Variants in CORIN observed in about 807,000 individuals in gnomAD.
CORIN encodes atrial natriuretic peptide-converting enzyme.
A neutral mutation model predicts 125.3 loss-of-function variants in CORIN; 117 were observed. The observed-to-expected ratio is 0.93, with a 90% CI of 0.80 to 1.09. The LOEUF is 1.09. CORIN is among the 50% of genes least tolerant of loss of function. CORIN has a pLI of 0.00. For synonymous variants in CORIN, 450 were observed against 466.4 expected (o/e 0.96, Z 0.45); for missense variants, 1,253 against 1,306.7 (o/e 0.96, Z 0.63).
At chr4:47,787,056 G>A (rs772206360) in intron 2 of CORIN, 131 bp from the exon 3 acceptor site, 93 of 681,002 alleles carry the variant, frequency 1.4e-4, no homozygotes, top group Middle Eastern at 4.1e-4. Context: ...ACACAAAGAC[G>A]AAGATGAAAG....
In CORIN at chr4:47,622,689, A is replaced by G. The variant is rs1228368418; in HGVS notation, c.2540+882T>C. 2.0e-5 allele frequency among the ~76,000 whole-genome samples: 3 copies of G among 151,884 alleles called. 1 individual carries two copies. The highest frequency in any genetic ancestry group is 7.3e-5 in the African/African-American group (3 of 41,326). ...GTTCATGTCCTTCGCCCACTTTTTG[A>G]TGGGGTTGAATAGAACAAGGACTGA... On this transcript the variant is annotated intron_variant, in intron 19 of 21. Coordinates refer to ENST00000273857, the MANE Select transcript of CORIN (RefSeq NM_006587.4).
chr4:47,642,052 A>T lies in CORIN; in HGVS notation c.2069-3T>A. 1 of 1,612,060 alleles carries T rather than the reference A, an allele frequency of 6.2e-7. No individual in the cohort carries two copies. The highest frequency in any genetic ancestry group is 1.1e-5 in the South Asian group (1 of 90,908). On this transcript the variant is annotated splice_polypyrimidine_tract_variant and splice_region_variant and intron_variant, in intron 15 of 21. Coordinates refer to ENST00000273857, the MANE Select transcript of CORIN (RefSeq NM_006587.4). ...GTTCACATTTATAGAGAGGGTCACT[A>T]GGGAAAGAAAAGACAAGGGAAACCC...
chr4:47,726,698 A>G (rs1056292870), intron 5 of CORIN, among the ~76,000 whole-genome samples: 3 of 152,068 alleles, frequency 2.0e-5, no homozygotes, highest in African/African-American at 7.2e-5. Flanking sequence ...TTGTATGGAA[A>G]TTTAAACATA....
chr4:47,709,620 AAT>A (rs1726749280), intron 5 of CORIN, among the ~76,000 whole-genome samples: 1 of 152,194 alleles, frequency 6.6e-6, no homozygotes, highest in Non-Finnish European at 1.5e-5. Context: ...CTAAAATATA[AAT>A]ATGTTTTTCC....
At chr4:47,794,843 C>G (rs374460929) in intron 2 of CORIN, among the ~76,000 whole-genome samples, 9 of 152,146 alleles carry the variant, frequency 5.9e-5, no homozygotes, top group African/African-American at 1.7e-4. Flanking sequence ...TTTAAAAGTC[C>G]CAACCAAGAT....
chr4:47,800,198 A>G (rs979514859), intron 2 of CORIN, among the ~76,000 whole-genome samples: 2 of 152,106 alleles, frequency 1.3e-5, no homozygotes, highest in Non-Finnish European at 2.9e-5. Context: ...TGAATATACT[A>G]AAAACTACTG....
At chr4:47,769,637 T>C (rs773330515) in intron 3 of CORIN, among the ~76,000 whole-genome samples, 25 of 152,198 alleles carry the variant, frequency 1.6e-4, no homozygotes, top group Admixed American at 5.2e-4. Context: ...AAAGCTATAG[T>C]AATCAAAAAA....
chr4:47,687,838 G>T (rs982172937), intron 6 of CORIN, among the ~76,000 whole-genome samples: 4 of 152,170 alleles, frequency 2.6e-5, no homozygotes, highest in African/African-American at 9.7e-5. Flanking sequence ...GCAGAACCAT[G>T]AGAAGAACCA....
intron 2 of CORIN, among the ~76,000 whole-genome samples, chr4:47,793,842 C>T (rs1262056577): frequency 6.6e-6 from 1 of 152,106 alleles, no homozygotes; most frequent in African/African-American, 2.4e-5. Flanking sequence ...TGTTAGAATT[C>T]AAATTCAGCA....
intron 16 of CORIN, among the ~76,000 whole-genome samples, chr4:47,627,907 T>C (rs1290929939): frequency 6.6e-6 from 1 of 152,176 alleles, no homozygotes; most frequent in African/African-American, 2.4e-5. Flanking sequence ...TGTGCACTGA[T>C]GCTGGATAGG....
chr4:47,830,304 T>A (rs1434867115), intron 1 of CORIN, among the ~76,000 whole-genome samples: 1 of 152,012 alleles, frequency 6.6e-6, no homozygotes, highest in East Asian at 1.9e-4. Flanking sequence ...GGTTAGGGAA[T>A]AAAATGGCAC....
intron 16 of CORIN, among the ~76,000 whole-genome samples, chr4:47,632,646 G>A (rs1203028110): frequency 6.6e-6 from 1 of 152,054 alleles, no homozygotes; most frequent in Admixed American, 6.6e-5. Context: ...TTAAAGCAGA[G>A]CATAAGTTCT....
At chr4:47,800,688 A>G (rs1731502959) in intron 2 of CORIN, among the ~76,000 whole-genome samples, 1 of 152,182 alleles carries the variant, frequency 6.6e-6, no homozygotes, top group Non-Finnish European at 1.5e-5. Flanking sequence ...AGAGCAGGCC[A>G]CAGTTGACAC....
chr4:47,683,869 T>A (rs754407075), intron 6 of CORIN, 31 bp from the exon 7 acceptor site: 25 of 1,505,946 alleles, frequency 1.7e-5, no homozygotes, highest in Non-Finnish European at 2.2e-5. Context: ...CAGTGTGTCA[T>A]CAGAGCCATA....
intron 1 of CORIN, among the ~76,000 whole-genome samples, chr4:47,831,702 C>T (rs1342605774): frequency 6.6e-6 from 1 of 152,100 alleles, no homozygotes; most frequent in Non-Finnish European, 1.5e-5. Context: ...AGGGAAAAGA[C>T]TGACCTATCT....
intron 5 of CORIN, among the ~76,000 whole-genome samples, chr4:47,697,503 C>T (rs1451415691): frequency 6.6e-6 from 1 of 152,138 alleles, no homozygotes; most frequent in Non-Finnish European, 1.5e-5. Flanking sequence ...CGCCTGAGGT[C>T]AGGGGTTCAA....
chr4:47,811,655 G>A (rs965606081), intron 1 of CORIN, among the ~76,000 whole-genome samples: 6 of 152,138 alleles, frequency 3.9e-5, no homozygotes, highest in Non-Finnish European at 7.3e-5. Context: ...TTGAGCCACC[G>A]CGCCCAGCCG....
intron 5 of CORIN, among the ~76,000 whole-genome samples, chr4:47,693,312 A>G (rs1725854343): frequency 6.6e-6 from 1 of 152,224 alleles, no homozygotes; most frequent in South Asian, 2.1e-4. Flanking sequence ...AGCAGGAGAT[A>G]GTTCACCAGT....
chr4:47,636,211 A>G (rs1378800352), intron 16 of CORIN, among the ~76,000 whole-genome samples: 1 of 152,192 alleles, frequency 6.6e-6, no homozygotes, highest in Non-Finnish European at 1.5e-5. Context: ...CTAACTCCAT[A>G]AAAGCATTTT....
Sources: gnomAD v4.1 joint callset for allele counts (sites outside exome capture counted in the v4.1 genomes callset) on GRCh38, gnomAD v4.1.1 for gene constraint, MANE v1.5 for transcripts, NCBI Gene and HGNC (gene_info 2026-07-23, HGNC 2026-07-21) for gene names.